NELL1: variants seen among roughly 807,000 people sequenced by gnomAD.
The protein encoded by NELL1 is neural EGFL like 1, also known as protein kinase C-binding protein NELL1.
Under a neutral mutation model 107.4 loss-of-function variants are expected in NELL1, and 76 were observed. The observed-to-expected ratio is 0.71, with a 90% CI of 0.59 to 0.86. The LOEUF is 0.86. NELL1 is among the 40% of genes least tolerant of loss of function. NELL1 has a pLI of 0.00. For missense variants in NELL1, 1,024 were observed against 1,005.5 expected (o/e 1.02, Z -0.25); for synonymous variants, 353 against 341.2 (o/e 1.03, Z -0.38).
chr11:20,984,535 C>T (rs1236360778), intron 12 of NELL1, among the ~76,000 whole-genome samples: 1 of 152,166 alleles, frequency 6.6e-6, no homozygotes, highest in Admixed American at 6.5e-5. Flanking sequence ...TCTTTCCTCC[C>T]ATCCTTCCAA....
chr11:21,562,879 C>A (rs1419188613), intron 17 of NELL1, among the ~76,000 whole-genome samples: 2 of 152,092 alleles, frequency 1.3e-5, no homozygotes, highest in East Asian at 3.9e-4. Flanking sequence ...GTCAGTACAC[C>A]AGCTTAGCTG....
At chr11:20,980,435 T>A (rs1851727484) in intron 12 of NELL1, among the ~76,000 whole-genome samples, 1 of 152,142 alleles carries the variant, frequency 6.6e-6, no homozygotes, top group Admixed American at 6.5e-5. Context: ...GAGCTGCAGT[T>A]TCCTGATGAA....
At chr11:20,825,002 C>T (rs1857848191) in intron 3 of NELL1, among the ~76,000 whole-genome samples, 1 of 151,308 alleles carries the variant, frequency 6.6e-6, no homozygotes, top group African/African-American at 2.4e-5. Context: ...CATCACAGGT[C>T]CAGAGGCCTA....
chr11:21,387,343 T>G (rs1233556125), intron 15 of NELL1, among the ~76,000 whole-genome samples: 9 of 151,842 alleles, frequency 5.9e-5, no homozygotes, highest in Admixed American at 5.3e-4. Flanking sequence ...ATCTATCTTG[T>G]GTATTGTCTC....
intron 15 of NELL1, among the ~76,000 whole-genome samples, chr11:21,447,388 C>T (rs1052827827): frequency 6.6e-6 from 1 of 152,112 alleles, no homozygotes; most frequent in Admixed American, 6.5e-5. Context: ...TGAGTCATAC[C>T]TGAAGCCAGC....
chr11:20,687,378 C>T (rs1206379097), intron 2 of NELL1, among the ~76,000 whole-genome samples: 2 of 151,830 alleles, frequency 1.3e-5, no homozygotes, highest in Admixed American at 6.6e-5. Flanking sequence ...TGTCATATGT[C>T]ATGTGGTGTC....
intron 1 of NELL1, among the ~76,000 whole-genome samples, chr11:20,672,045 T>C (rs533871839): frequency 8.1e-4 from 124 of 152,330 alleles, no homozygotes; most frequent in African/African-American, 2.8e-3. Flanking sequence ...TTGGCACTAT[T>C]TGAACACTAG....
chr11:21,135,448 T>A (rs1411853654), intron 13 of NELL1, among the ~76,000 whole-genome samples: 1 of 152,028 alleles, frequency 6.6e-6, no homozygotes, highest in Non-Finnish European at 1.5e-5. Flanking sequence ...ATGACCAGAT[T>A]TACCAACTAA....
At chr11:20,902,638 A>C (rs910311378) in intron 5 of NELL1, among the ~76,000 whole-genome samples, 1 of 152,074 alleles carries the variant, frequency 6.6e-6, no homozygotes, top group Admixed American at 6.6e-5. Context: ...ACTCTTGGTC[A>C]TATACCCAGG....
At chr11:21,336,648 T>TGTGA (rs1850404779) in intron 14 of NELL1, among the ~76,000 whole-genome samples, 1 of 38,562 alleles carries the variant, frequency 2.6e-5, no homozygotes, top group Non-Finnish European at 7.7e-5. Flanking sequence ...TTCATATGTG[T>TGTGA]GTGTATATAT....
At chr11:21,256,091 T>C (rs1858761211) in intron 14 of NELL1, among the ~76,000 whole-genome samples, 2 of 151,992 alleles carry the variant, frequency 1.3e-5, no homozygotes, top group Admixed American at 1.3e-4. Flanking sequence ...ATATCTTTCT[T>C]ACCTTCATTG....
chr11:21,337,710 C>T (rs1280556376), intron 14 of NELL1, among the ~76,000 whole-genome samples: 1 of 151,950 alleles, frequency 6.6e-6, no homozygotes, highest in African/African-American at 2.4e-5. Flanking sequence ...TTTCCCTTTC[C>T]CGCTTTTCAT....
intron 3 of NELL1, among the ~76,000 whole-genome samples, chr11:20,832,982 G>A (rs1858044904): frequency 6.6e-6 from 1 of 152,146 alleles, no homozygotes; most frequent in African/African-American, 2.4e-5. Context: ...ATATCCCACT[G>A]AACGCTCTGC....
intron 2 of NELL1, among the ~76,000 whole-genome samples, chr11:20,746,395 A>G (rs1856003470): frequency 6.6e-6 from 1 of 152,238 alleles, no homozygotes; most frequent in African/African-American, 2.4e-5. Context: ...CTAGGTCAGT[A>G]ATCTTAGGCA....
At chr11:21,370,797 C>A in intron 14 of NELL1, 56 bp from the exon 15 acceptor site, 2 of 1,375,492 alleles carry the variant, frequency 1.5e-6, no homozygotes, top group Non-Finnish European at 2.0e-6. Flanking sequence ...TGCTGTTTAC[C>A]GTGAATTTAT....
At chr11:20,725,008 G>A (rs763103113) in intron 2 of NELL1, among the ~76,000 whole-genome samples, 4 of 152,222 alleles carry the variant, frequency 2.6e-5, no homozygotes, top group Non-Finnish European at 5.9e-5. Flanking sequence ...ATGAGGAAGT[G>A]CCACACTTTA....
chr11:21,522,084 G>T (rs2133956771), intron 15 of NELL1, among the ~76,000 whole-genome samples: 1 of 151,986 alleles, frequency 6.6e-6, no homozygotes, highest in Admixed American at 6.5e-5. Flanking sequence ...AAGGAAAAAA[G>T]CCATTATATC....
intron 14 of NELL1, among the ~76,000 whole-genome samples, chr11:21,369,758 A>G (rs911567268): frequency 1.3e-5 from 2 of 152,066 alleles, no homozygotes; most frequent in Non-Finnish European, 2.9e-5. Flanking sequence ...AACAGTTGCA[A>G]TATCTTCATT....
intron 11 of NELL1, among the ~76,000 whole-genome samples, chr11:20,960,071 T>A (rs973167303): frequency 6.6e-6 from 1 of 152,032 alleles, no homozygotes; most frequent in East Asian, 1.9e-4. Flanking sequence ...ATTTTATATA[T>A]TCATATATAT....
Sources: allele counts gnomAD v4.1 joint callset (sites outside exome capture counted in the v4.1 genomes callset), GRCh38; gene constraint gnomAD v4.1.1; transcripts MANE v1.5; gene names NCBI Gene and HGNC (gene_info 2026-07-23, HGNC 2026-07-21).